Variants in LMO1 observed in about 807,000 individuals in gnomAD.
LMO1 encodes the protein rhombotin-1.
A neutral mutation model predicts 18.0 loss-of-function variants in LMO1; 10 were observed. The ratio of observed to expected loss-of-function variants is 0.55; its 90% confidence interval spans 0.34 to 0.94. LMO1 has a LOEUF of 0.94. Ranked by LOEUF, LMO1 falls within the 40% of genes least tolerant of loss-of-function variation. LMO1 has a pLI of 0.02. For missense variants in LMO1, 183 were observed against 205.7 expected, an observed-to-expected ratio of 0.89 and a Z score of 0.68; for synonymous variants, 77 against 77.9, an observed-to-expected ratio of 0.99 and a Z score of 0.06.
In LMO1 at chr11:8,227,002, C is replaced by G; in HGVS notation, c.338G>C (p.Cys113Ser). ...CTGGTTGCAGAGCTGGCAGGCGAAGCAGTCGAGGTGATACACGTTGTCCCG... is the reference window on the plus strand; with the variant it reads ...CTGGTTGCAGAGCTGGCAGGCGAAGGAGTCGAGGTGATACACGTTGTCCCG... ...RARDNVYHLD[C>S]FACQLCNQRF... The change falls in exon 3 of 4, where the codon TGC (cysteine) becomes TCC (serine). Residue 113 changes from cysteine (C) to serine (S), a missense_variant. Physicochemically the swap from Cys to Ser is moderately radical, Grantham distance 112. Coordinates refer to ENST00000335790, the MANE Select transcript of LMO1 (RefSeq NM_002315.3). The G allele has an allele frequency of 3.7e-6, 6 of 1,613,396 alleles. No individual in the cohort carries two copies. Among genetic ancestry groups the G allele is most frequent in the Non-Finnish European group, 5.1e-6 (6 of 1,179,734 alleles).
intron 1 of LMO1, among the ~76,000 whole-genome samples, chr11:8,262,253 G>A (rs1324875248): frequency 2.0e-5 from 3 of 152,286 alleles, no homozygotes; most frequent in African/African-American, 7.2e-5. Flanking sequence ...CTACCCTTTC[G>A]GTACCTCACC....
At chr11:8,264,098 C>G (rs1488169215), upstream of LMO1, among the ~76,000 whole-genome samples, 2 of 151,906 alleles carry the variant, frequency 1.3e-5, no homozygotes, top group African/African-American at 4.8e-5. Flanking sequence ...AGACCCTCAG[C>G]CTTGATTTTT....
At chr11:8,239,551 G>T (rs1471293330) in intron 1 of LMO1, among the ~76,000 whole-genome samples, 1 of 152,202 alleles carries the variant, frequency 6.6e-6, no homozygotes, top group Non-Finnish European at 1.5e-5. Context: ...CACGTCCTCA[G>T]GAGGAGGCTG....
At chr11:8,240,126 A>G (rs1846759742) in intron 1 of LMO1, among the ~76,000 whole-genome samples, 2 of 138,534 alleles carry the variant, frequency 1.4e-5, no homozygotes, top group Admixed American at 7.4e-5. Context: ...CTTGGACCCA[A>G]TCTGGACCCT....
At chr11:8,229,615 A>G (rs1042680957) in intron 2 of LMO1, among the ~76,000 whole-genome samples, 10 of 152,120 alleles carry the variant, frequency 6.6e-5, no homozygotes, top group Admixed American at 4.6e-4. Flanking sequence ...ATAGGATCCA[A>G]ATTGTAGGGA....
At chr11:8,225,585 G>A (rs1264989270) in intron 3 of LMO1, among the ~76,000 whole-genome samples, 1 of 152,006 alleles carries the variant, frequency 6.6e-6, no homozygotes, top group Non-Finnish European at 1.5e-5. Flanking sequence ...AGGTAACCCC[G>A]TTCCACTATC....
chr11:8,237,244 G>A (rs546713784), intron 1 of LMO1, among the ~76,000 whole-genome samples: 5 of 152,090 alleles, frequency 3.3e-5, no homozygotes, highest in South Asian at 4.2e-4. Flanking sequence ...ACCCAGGCCC[G>A]GGAACTGCAG....
chr11:8,225,206 G>A (rs756086959), intron 3 of LMO1, among the ~76,000 whole-genome samples: 7 of 151,846 alleles, frequency 4.6e-5, no homozygotes, highest in Non-Finnish European at 8.8e-5. Flanking sequence ...GAAGTCAGGA[G>A]TTTAAGACCA....
chr11:8,234,471 C>T (rs571997239), intron 1 of LMO1, among the ~76,000 whole-genome samples: 7 of 152,274 alleles, frequency 4.6e-5, no homozygotes, highest in South Asian at 2.1e-4. Flanking sequence ...AGCTCCAGCA[C>T]GTGGACTTTC....
chr11:8,232,452 G>C (rs1237291175), intron 1 of LMO1, among the ~76,000 whole-genome samples: 2 of 152,190 alleles, frequency 1.3e-5, no homozygotes, highest in Admixed American at 1.3e-4. Context: ...GTGGGGAAAT[G>C]GGAGAGGAGT....
chr11:8,255,975 G>A (rs1359616100), intron 1 of LMO1, among the ~76,000 whole-genome samples: 6 of 151,876 alleles, frequency 4.0e-5, no homozygotes, highest in South Asian at 2.1e-4. Flanking sequence ...ACAGGCGCCC[G>A]CCACCACGCC....
At chr11:8,226,761 G>T in intron 3 of LMO1, 1 of 807,124 alleles carries the variant, frequency 1.2e-6, no homozygotes, top group Non-Finnish European at 1.8e-6. Context: ...ACACAGATGT[G>T]CACACCCAAT....
At chr11:8,233,523 A>G (rs1296505093) in intron 1 of LMO1, among the ~76,000 whole-genome samples, 1 of 152,176 alleles carries the variant, frequency 6.6e-6, no homozygotes, top group Non-Finnish European at 1.5e-5. Context: ...TTCCTTCCTC[A>G]TAGGGCATCC....
chr11:8,257,369 A>C (rs543809015), intron 1 of LMO1, among the ~76,000 whole-genome samples: 1 of 152,204 alleles, frequency 6.6e-6, no homozygotes, highest in African/African-American at 2.4e-5. Context: ...GGGCTTCTCC[A>C]CTTCCAAAGG....
chr11:8,254,108 G>A (rs1354367111), intron 1 of LMO1, among the ~76,000 whole-genome samples: 1 of 151,424 alleles, frequency 6.6e-6, no homozygotes, highest in African/African-American at 2.4e-5. Flanking sequence ...ACTGTGAGAG[G>A]AAAAAAAAGT....
chr11:8,236,454 C>T (rs906626132), intron 1 of LMO1, among the ~76,000 whole-genome samples: 2 of 151,902 alleles, frequency 1.3e-5, no homozygotes, highest in South Asian at 2.1e-4. Context: ...AATCCTCCCA[C>T]CTCAACTTCC....
intron 1 of LMO1, among the ~76,000 whole-genome samples, chr11:8,233,703 GC>G (rs766629499): frequency 1.0e-5 from 1 of 99,892 alleles, no homozygotes; most frequent in Non-Finnish European, 2.1e-5. Flanking sequence ...TTCCCACCTA[GC>G]CCCCCACCCA....
At chr11:8,262,042 C>A (rs1033309569) in intron 1 of LMO1, among the ~76,000 whole-genome samples, 1 of 152,192 alleles carries the variant, frequency 6.6e-6, no homozygotes, top group Non-Finnish European at 1.5e-5. Context: ...CTGGGGGCAT[C>A]GGCACCTGGC....
chr11:8,239,271 C>T (rs966596701), intron 1 of LMO1, among the ~76,000 whole-genome samples: 28 of 152,096 alleles, frequency 1.8e-4, no homozygotes, highest in African/African-American at 6.0e-4. Context: ...GATCAGGGCC[C>T]GGGCTAAAAC....
Sources: gnomAD v4.1 joint callset for allele counts (sites outside exome capture counted in the v4.1 genomes callset) on GRCh38, gnomAD v4.1.1 for gene constraint, MANE v1.5 for transcripts, NCBI Gene and HGNC (gene_info 2026-07-23, HGNC 2026-07-21) for gene names.